Variants in FRY observed in about 807,000 individuals in gnomAD.
The protein encoded by FRY is protein furry homolog.
A neutral mutation model predicts 348.4 loss-of-function variants in FRY; 128 were observed. The observed-to-expected ratio is 0.37, with a 90% CI of 0.32 to 0.43. The LOEUF (loss-of-function observed/expected upper bound fraction) is 0.43, where lower values mean the gene tolerates loss of function less well. Among genes scored for constraint, FRY ranks in the 20% least tolerant of loss-of-function variants. FRY has a pLI of 1.00. For missense variants in FRY, 2,736 were observed against 3,695.2 expected, an observed-to-expected ratio of 0.74 and a Z score of 6.73; for synonymous variants, 1,370 against 1,374.7, an observed-to-expected ratio of 1.00 and a Z score of 0.08.
At chr13:32,192,517 C>A (rs917621577) in intron 28 of FRY, among the ~76,000 whole-genome samples, 9 of 151,918 alleles carry the variant, frequency 5.9e-5, no homozygotes, top group African/African-American at 1.9e-4. Flanking sequence ...TATTTTAAGT[C>A]ATTTGCAATA....
intron 55 of FRY, among the ~76,000 whole-genome samples, chr13:32,267,698 T>C (rs766312235): frequency 2.0e-5 from 3 of 152,050 alleles, no homozygotes; most frequent in African/African-American, 4.8e-5. Context: ...CCTTTACCTC[T>C]CTTTTGTTTT....
chr13:32,133,424 T>C (rs1879493338), intron 8 of FRY, among the ~76,000 whole-genome samples: 1 of 152,316 alleles, frequency 6.6e-6, no homozygotes, highest in African/African-American at 2.4e-5. Context: ...GTTAAATATT[T>C]TATTATTTAT....
chr13:32,139,243 T>C (rs745847608), intron 11 of FRY, among the ~76,000 whole-genome samples: 1 of 152,196 alleles, frequency 6.6e-6, no homozygotes, highest in Non-Finnish European at 1.5e-5. Context: ...ATATACTTTG[T>C]CTTGAATTGC....
intron 3 of FRY, among the ~76,000 whole-genome samples, chr13:32,114,772 C>T (rs958070755): frequency 5.3e-5 from 8 of 152,118 alleles, no homozygotes; most frequent in Non-Finnish European, 7.4e-5. Context: ...TTGGTGACTT[C>T]GGAAAGTAAA....
intron 28 of FRY, among the ~76,000 whole-genome samples, chr13:32,192,645 A>T (rs1298387297): frequency 6.6e-6 from 1 of 152,106 alleles, no homozygotes; most frequent in Non-Finnish European, 1.5e-5. Context: ...CCCTGTAAGT[A>T]AAAAAACATG....
intron 1 of FRY, among the ~76,000 whole-genome samples, chr13:32,064,654 C>T (rs1436059153): frequency 6.6e-6 from 1 of 152,102 alleles, no homozygotes; most frequent in East Asian, 1.9e-4. Flanking sequence ...TTCGTGTGCT[C>T]ATCCATTGGC....
chr13:32,234,236 A>G (rs866087178), intron 41 of FRY, among the ~76,000 whole-genome samples: 1 of 151,824 alleles, frequency 6.6e-6, no homozygotes, highest in African/African-American at 2.4e-5. Flanking sequence ...AGCCTTGGCA[A>G]CATAGTGAGA....
In FRY at chr13:32,185,174, A is replaced by G. The variant is rs114725979; in HGVS notation, c.3319+26A>G. 9.3e-4 allele frequency: 1,491 copies of G among 1,605,416 alleles called. 9 individuals carry two copies. The African/African-American group carries it at 0.015, about 16-fold the overall frequency. On this transcript the variant is annotated intron_variant, in intron 26 of 60. Coordinates refer to ENST00000542859, the MANE Select transcript of FRY (RefSeq NM_023037.3). The stretch of plus-strand genomic sequence containing the variant: ...GTACGGTGATCCGTTACAAGAAATT[A>G]CCATTCATGCTTGGAAGCCCATTCG...
At chr13:32,206,809 T>C (rs1884379136) in intron 31 of FRY, among the ~76,000 whole-genome samples, 1 of 152,208 alleles carries the variant, frequency 6.6e-6, no homozygotes, top group African/African-American at 2.4e-5. Flanking sequence ...CAAACACTTG[T>C]TTTTAATATA....
At chr13:32,159,622 C>T (rs1296463026) in intron 16 of FRY, among the ~76,000 whole-genome samples, 1 of 152,172 alleles carries the variant, frequency 6.6e-6, no homozygotes, top group Non-Finnish European at 1.5e-5. Context: ...GGAAATCATG[C>T]AGCAATTAGT....
chr13:32,067,357 T>A (rs1274157757), intron 1 of FRY, among the ~76,000 whole-genome samples: 1 of 152,038 alleles, frequency 6.6e-6, no homozygotes, highest in Non-Finnish European at 1.5e-5. Context: ...GTTCGTTTTT[T>A]TTTCTTAATG....
chr13:32,078,889 G>T lies in FRY; in HGVS notation c.126G>T (p.Thr42=), dbSNP rs766369544. The change falls in exon 2 of 61, where the codon ACG becomes ACT. Residue 42 remains threonine, a synonymous_variant. Transcript: ENST00000542859. ...CTCCGGTTCCACCTGCTTCTGGCAC[G>T]CACAGGGAGAAAGGGCCGCCAACCA... ...IKPPVPPASG[T]HREKGPPTML... 2.5e-6 allele frequency: 4 copies of T among 1,613,906 alleles called. No individual in the cohort carries two copies. The African/African-American group carries it at 5.3e-5, about 22-fold the overall frequency.
intron 2 of FRY, among the ~76,000 whole-genome samples, chr13:32,100,364 C>T (rs766605880): frequency 2.0e-5 from 3 of 151,984 alleles, no homozygotes; most frequent in Non-Finnish European, 4.4e-5. Context: ...CAGACGTGAG[C>T]CAATGCACCT....
chr13:32,295,571 C>A lies in FRY; in HGVS notation c.*111C>A. On this transcript the variant is annotated 3_prime_UTR_variant, in exon 61 of 61. Transcript: ENST00000542859. ...AAGGCTTGGACAGACTGTTCTCCCT[C>A]TTGTTACCTGTAGGGCTTTTTCTAA... The A allele has an allele frequency of 9.8e-7, 1 of 1,020,460 alleles. No homozygotes were observed. 63.2% of individuals were successfully genotyped at this position (1,020,460 alleles called of 1,614,324 possible). A position where few individuals can be genotyped will look rare whatever the true frequency, so the allele number is the denominator to read the frequency against.
At chr13:32,184,751 TTC>T in intron 25 of FRY, 60 bp downstream of exon 25, 2 of 1,090,890 alleles carry the variant, frequency 1.8e-6, no homozygotes, top group Non-Finnish European at 2.8e-6. Context: ...TTTGTTTTCT[TTC>T]TGTCTCTCTC....
chr13:32,039,671 T>C (rs971359349), intron 1 of FRY, among the ~76,000 whole-genome samples: 1 of 152,198 alleles, frequency 6.6e-6, no homozygotes, highest in Non-Finnish European at 1.5e-5. Context: ...AAGTTTATAT[T>C]CTGCCAGCAT....
At position 32,193,684 on chromosome 13, in the gene FRY, T is replaced by C. The variant is rs1883493409; in HGVS notation, c.3592-459T>C. On this transcript the variant is annotated intron_variant, in intron 28 of 60. Coordinates refer to ENST00000542859, the MANE Select transcript of FRY (RefSeq NM_023037.3). ...CACTGCAACCTCTGCCTCCCAGGTT[T>C]AAGTGATTCTCCTACCTCAGCCTCC... 6.1e-5 allele frequency among the ~76,000 whole-genome samples: 9 copies of C among 148,716 alleles called. No homozygotes were observed. The South Asian group carries it at 1.9e-3, about 32-fold the overall frequency.
intron 2 of FRY, among the ~76,000 whole-genome samples, chr13:32,093,706 G>A (rs1419578219): frequency 6.6e-6 from 1 of 152,100 alleles, no homozygotes; most frequent in Non-Finnish European, 1.5e-5. Flanking sequence ...CAGTATTTTG[G>A]GTTTTCCCAG....
intron 8 of FRY, among the ~76,000 whole-genome samples, chr13:32,132,759 C>G (rs867901456): frequency 2.6e-5 from 4 of 152,144 alleles, no homozygotes; most frequent in Non-Finnish European, 5.9e-5. Context: ...CAGCATTATT[C>G]ATAGTTGCCA....
Sources: gnomAD v4.1 joint callset for allele counts (sites outside exome capture counted in the v4.1 genomes callset) on GRCh38, gnomAD v4.1.1 for gene constraint, MANE v1.5 for transcripts, NCBI Gene and HGNC (gene_info 2026-07-23, HGNC 2026-07-21) for gene names.